The following CFAP58 variants were observed in gnomAD, a reference collection of about 807,000 sequenced individuals.
CFAP58 encodes cilia and flagella associated protein 58.
Under a neutral mutation model 119.5 loss-of-function variants are expected in CFAP58, and 88 were observed. That is an observed-to-expected ratio of 0.74 (90% CI 0.62 to 0.88). CFAP58 has a LOEUF of 0.88. CFAP58 is among the 40% of genes least tolerant of loss of function. The probability of loss-of-function intolerance (pLI) is 0.00; values close to 1 mark genes in which losing one functional copy is unlikely to be tolerated. For missense variants in CFAP58, 990 were observed against 1,021.2 expected (o/e 0.97, Z 0.42); for synonymous variants, 365 against 366.3 (o/e 1.00, Z 0.04).
Position 104,358,416 on chromosome 10 carries a change from G to A in CFAP58, c.85G>A (p.Glu29Lys), listed in dbSNP as rs1258282490. ...AAGAGATTTTCAGGGAGTTCTCCATGAACTTTCTGGAGACAAAAGTTTGGA... is the reference window on the plus strand; with the variant it reads ...AAGAGATTTTCAGGGAGTTCTCCATAAACTTTCTGGAGACAAAAGTTTGGA... ...MERDFQGVLH[E>K]LSGDKSLEKF... Residue 29 changes from glutamate (E) to lysine (K), a missense_variant, in exon 2 of 18, where the codon GAA becomes AAA. By Grantham distance (56) the Glu-to-Lys change is moderately conservative. Transcript: ENST00000369704. 6.2e-7 allele frequency: 1 copy of A among 1,613,996 alleles called. No individual in the cohort carries two copies. Among genetic ancestry groups the A allele is most frequent in the Admixed American group, 1.7e-5 (1 of 60,016 alleles).
upstream of CFAP58, among the ~76,000 whole-genome samples, chr10:104,351,190 C>A (rs918125752): frequency 2.6e-5 from 4 of 152,188 alleles, no homozygotes; most frequent in African/African-American, 9.7e-5. Flanking sequence ...CTCTCCAGTT[C>A]ATCTGCCACC....
intron 13 of CFAP58, among the ~76,000 whole-genome samples, chr10:104,402,246 C>T (rs1418681346): frequency 3.9e-5 from 6 of 152,170 alleles, no homozygotes; most frequent in Non-Finnish European, 7.3e-5. Context: ...GAGTCTAGTA[C>T]AAAGCAGGCC....
Position 104,353,845 on chromosome 10 carries a change from A to G in CFAP58, c.-53A>G. On this transcript the variant is annotated 5_prime_UTR_variant, in exon 1 of 18. Transcript: ENST00000369704. ...TAGCTTCTTTCCCAGACTCCGGCCC[A>G]GCTCCTGCGATCTCCACAGCAGCCT... 6.3e-7 allele frequency: 1 copy of G among 1,595,164 alleles called. No homozygotes were observed. The highest frequency in any genetic ancestry group is 8.6e-7 in the Non-Finnish European group (1 of 1,166,384).
intron 11 of CFAP58, among the ~76,000 whole-genome samples, chr10:104,397,526 G>C (rs189462836): frequency 1.3e-5 from 2 of 152,220 alleles, no homozygotes; most frequent in Admixed American, 6.5e-5. Context: ...GGCAGAGACA[G>C]ACCGTAACTA....
At position 104,437,527 on chromosome 10, in the gene CFAP58, T is replaced by A. The variant is rs140383127; in HGVS notation, c.2257-10171T>A. ...CAATGCAAATATGATGCAAGGTAAC[T>A]GTAAAATAAAACTAAACTTTGCAAA... On this transcript the variant is annotated intron_variant, in intron 15 of 17. Coordinates refer to ENST00000369704, the MANE Select transcript of CFAP58 (RefSeq NM_001008723.2). Among the ~76,000 whole-genome samples, 326 of 152,294 alleles carry A rather than the reference T, an allele frequency of 2.1e-3. 1 individual carries two copies. The highest frequency in any genetic ancestry group is 7.6e-3 in the African/African-American group (317 of 41,556).
chr10:104,376,502 CAAAAAA>C (rs1282859666), intron 7 of CFAP58, among the ~76,000 whole-genome samples: 1 of 48,236 alleles, frequency 2.1e-5, no homozygotes, highest in Non-Finnish European at 4.7e-5. Context: ...AACTCCGTCT[CAAAAAA>C]AAAAAAAAAA....
At chr10:104,380,817 C>T (rs529495524) in intron 9 of CFAP58, among the ~76,000 whole-genome samples, 18 of 151,706 alleles carry the variant, frequency 1.2e-4, no homozygotes, top group African/African-American at 3.4e-4. Context: ...GGCAACATGT[C>T]GAGACCCTGT....
At chr10:104,432,380 GT>G (rs934558321) in intron 15 of CFAP58, among the ~76,000 whole-genome samples, 1 of 152,128 alleles carries the variant, frequency 6.6e-6, no homozygotes, top group Non-Finnish European at 1.5e-5. Context: ...TGAAAATAAG[GT>G]AACCTTATTA....
chr10:104,366,078 T>C, intron 5 of CFAP58, 70 bp downstream of exon 5: 1 of 1,336,574 alleles, frequency 7.5e-7, no homozygotes, highest in South Asian at 1.7e-5. Flanking sequence ...CACCCTTTTG[T>C]GCATTTTGAA....
intron 15 of CFAP58, among the ~76,000 whole-genome samples, chr10:104,445,111 C>T (rs1468888566): frequency 1.3e-5 from 2 of 151,788 alleles, no homozygotes; most frequent in Non-Finnish European, 2.9e-5. Context: ...TAAAATGAGC[C>T]CAGGAGTTGG....
At chr10:104,379,347 T>A (rs1564885196) in intron 8 of CFAP58, among the ~76,000 whole-genome samples, 1 of 152,252 alleles carries the variant, frequency 6.6e-6, no homozygotes. Context: ...CAGTACTTCA[T>A]TTCTTTTTAC....
chr10:104,446,869 A>G (rs1388686148), intron 15 of CFAP58, among the ~76,000 whole-genome samples: 1 of 152,256 alleles, frequency 6.6e-6, no homozygotes, highest in Admixed American at 6.5e-5. Flanking sequence ...TTGTTTAAAT[A>G]AAGTTACAGA....
intron 5 of CFAP58, 36 bp from the exon 6 acceptor site, chr10:104,368,387 T>A (rs1267943209): frequency 6.2e-7 from 1 of 1,609,186 alleles, no homozygotes; most frequent in Admixed American, 1.7e-5. Context: ...GTAATCAGAT[T>A]AAAAAGCATT....
intron 1 of CFAP58, among the ~76,000 whole-genome samples, chr10:104,357,868 CACATAT>C (rs2014578211): frequency 1.7e-5 from 2 of 115,278 alleles, no homozygotes; most frequent in East Asian, 2.2e-4. Context: ...CACATATATA[CACATAT>C]ATGTACACAT....
intron 5 of CFAP58, 115 bp downstream of exon 5, chr10:104,366,123 C>T (rs989275422): frequency 1.4e-5 from 13 of 927,568 alleles, no homozygotes; most frequent in Admixed American, 3.1e-5. Context: ...CTTCACTACT[C>T]GTGCTGATGA....
intron 17 of CFAP58, among the ~76,000 whole-genome samples, chr10:104,453,039 A>G (rs772854291): frequency 2.0e-4 from 31 of 152,204 alleles, no homozygotes; most frequent in Non-Finnish European, 3.2e-4. Flanking sequence ...GTCTATAAAT[A>G]CATTAAAAAG....
In CFAP58 at chr10:104,450,078, C is replaced by T. The variant is rs1481709514; in HGVS notation, c.2384C>T (p.Ser795Phe). Residue 795 changes from serine to phenylalanine, a missense_variant, in exon 17 of 18, where the codon TCT (serine) becomes TTT (phenylalanine). By Grantham distance (155) the Ser-to-Phe change is radical. Coordinates refer to ENST00000369704, the MANE Select transcript of CFAP58 (RefSeq NM_001008723.2). Reference protein sequence around the residue: ...HDKKQQLKVLSSELNMYEVQS... With the variant: ...HDKKQQLKVLFSELNMYEVQS... ...CTTTATTTGCCATGTTAGGTTTTGTCTTCAGAATTGAATATGTATGAAGTA... is the reference window on the plus strand; with the variant it reads ...CTTTATTTGCCATGTTAGGTTTTGTTTTCAGAATTGAATATGTATGAAGTA... The T allele has an allele frequency of 6.3e-7, 1 of 1,593,142 alleles. No homozygotes were observed. The highest frequency in any genetic ancestry group is 8.5e-7 in the Non-Finnish European group (1 of 1,174,036).
chr10:104,394,425 T>C (rs2012111810), intron 11 of CFAP58, among the ~76,000 whole-genome samples: 1 of 152,232 alleles, frequency 6.6e-6, no homozygotes, highest in Admixed American at 6.5e-5. Context: ...ACATATTAGC[T>C]TTCAAAGATA....
rs902037463 is a variant in CFAP58, at chr10:104,452,871, G to T, written c.2511-1551G>T. Among the ~76,000 whole-genome samples, 5 of 152,114 alleles carry T rather than the reference G, an allele frequency of 3.3e-5. No individual in the cohort carries two copies. The South Asian group carries it at 8.3e-4, about 25-fold the overall frequency. On this transcript the variant is annotated intron_variant, in intron 17 of 17. Transcript: ENST00000369704. Reference sequence around the variant, plus strand: ...CTGACCTAGTTAGGGTTCCTTTGGTGGTTCCATCTACGTGGGGATCCATAA... The same window carrying T: ...CTGACCTAGTTAGGGTTCCTTTGGTTGTTCCATCTACGTGGGGATCCATAA...
Sources: allele counts gnomAD v4.1 joint callset (sites outside exome capture counted in the v4.1 genomes callset), GRCh38; gene constraint gnomAD v4.1.1; transcripts MANE v1.5; gene names NCBI Gene and HGNC (gene_info 2026-07-23, HGNC 2026-07-21).